BSPH1: variants seen among roughly 807,000 people sequenced by gnomAD.
BSPH1 encodes binder of sperm protein homolog 1.
Under a neutral mutation model 22.5 loss-of-function variants are expected in BSPH1, and 21 were observed. The ratio of observed to expected loss-of-function variants is 0.93; its 90% CI spans 0.66 to 1.35. The LOEUF (loss-of-function observed/expected upper bound fraction) is 1.35, where lower values mean the gene tolerates loss of function less well. Among genes scored for constraint, BSPH1 ranks in the 40% most tolerant of loss-of-function variants. BSPH1 has a pLI of 0.00. For missense variants in BSPH1, 141 were observed against 154.2 expected, an observed-to-expected ratio of 0.91 and a Z score of 0.45; for synonymous variants, 42 against 53.6, an observed-to-expected ratio of 0.78 and a Z score of 0.95.
intron 2 of BSPH1, among the ~76,000 whole-genome samples, chr19:47,980,680 C>T (rs1369741975): frequency 1.3e-5 from 2 of 151,906 alleles, no homozygotes; most frequent in Non-Finnish European, 2.9e-5. Flanking sequence ...CCTTGTTAGC[C>T]AGGATGGTCT....
Position 47,976,822 on chromosome 19 carries a change from T to C in BSPH1, c.289A>G (p.Arg97Gly). The C allele has an allele frequency of 6.4e-7, 1 of 1,551,756 alleles. No individual in the cohort carries two copies. The highest frequency in any genetic ancestry group is 8.7e-7 in the Non-Finnish European group (1 of 1,146,974). ...GTACACTCCCAGTAGATCAAGCGTC[T>C]GTACCAGAAGGGAAATACACAGTTT... Reference protein sequence around the residue: ...FANCVFPFWYRRLIYWECTDD... With the variant: ...FANCVFPFWYGRLIYWECTDD... Residue 97 changes from arginine to glycine, a missense_variant, in exon 5 of 6, where the codon AGA (arginine) becomes GGA (glycine). By Grantham distance (125) the Arg-to-Gly change is moderately radical. Transcript: ENST00000344839.
chr19:47,983,401 T>C (rs995288170), intron 1 of BSPH1, among the ~76,000 whole-genome samples: 2 of 152,168 alleles, frequency 1.3e-5, no homozygotes, highest in African/African-American at 4.8e-5. Flanking sequence ...TATTAGGAAA[T>C]GGATTTTGGT....
intron 5 of BSPH1, among the ~76,000 whole-genome samples, chr19:47,975,254 C>G (rs1041198523): frequency 6.6e-6 from 1 of 152,154 alleles, no homozygotes; most frequent in Non-Finnish European, 1.5e-5. Context: ...TAGTCTCGAA[C>G]TCCAGGGCTC....
rs1210058152 is a variant in BSPH1, at chr19:47,987,415, T to G, written c.73+4594A>C. Among the ~76,000 whole-genome samples, 2 of 149,350 alleles carry G rather than the reference T, an allele frequency of 1.3e-5. 1 individual carries two copies. The highest frequency in any genetic ancestry group is 4.0e-4 in the East Asian group (2 of 5,036). On this transcript the variant is annotated intron_variant, in intron 1 of 5. Transcript: ENST00000344839. ...TTTTTTTTTTTTTGGAGACAGAATC[T>G]CACTCTGTCACCCAGGTTGGAGTAC...
At chr19:47,971,587 T>A (rs765702447) in intron 5 of BSPH1, among the ~76,000 whole-genome samples, 60 of 152,204 alleles carry the variant, frequency 3.9e-4, no homozygotes, top group South Asian at 8.3e-4. Flanking sequence ...TCCCTCTCAT[T>A]TTTTATAGTA....
rs73941415 is a variant in BSPH1 at position 47,981,529 on chromosome 19, G to A, written c.74-588C>T. On this transcript the variant is annotated intron_variant, in intron 1 of 5. Coordinates refer to ENST00000344839, the MANE Select transcript of BSPH1 (RefSeq NM_001128326.2). ...TCCATCATCTTAGAGATAAAGTTCA[G>A]AAATGTTAGGTTCCATTAAATTAAA... 6.4e-3 allele frequency among the ~76,000 whole-genome samples: 980 copies of A among 152,312 alleles called. 9 individuals carry two copies. Among genetic ancestry groups the A allele is most frequent in the East Asian group, 0.044 (226 of 5,188 alleles).
Sources: allele counts gnomAD v4.1 joint callset (sites outside exome capture counted in the v4.1 genomes callset), GRCh38; gene constraint gnomAD v4.1.1; transcripts MANE v1.5; gene names NCBI Gene and HGNC (gene_info 2026-07-23, HGNC 2026-07-21).